LRRC27: variants seen among roughly 807,000 people sequenced by gnomAD.
The protein encoded by LRRC27 is leucine-rich repeat-containing protein 27.
Under a neutral mutation model 55.0 loss-of-function variants are expected in LRRC27, and 57 were observed. The observed-to-expected ratio is 1.04, with a 90% CI of 0.84 to 1.29. LRRC27 has a LOEUF of 1.29. Ranked by LOEUF, LRRC27 falls within the 50% of genes most tolerant of loss-of-function variation. LRRC27 has a pLI of 0.00. For synonymous variants in LRRC27, 278 were observed against 251.9 expected (o/e 1.10, Z -0.98); for missense variants, 721 against 651.5 (o/e 1.11, Z -1.16).
chr10:132,341,398 C>A (rs915688490), intron 3 of LRRC27, among the ~76,000 whole-genome samples: 2 of 152,110 alleles, frequency 1.3e-5, no homozygotes, highest in Middle Eastern at 3.2e-3. Flanking sequence ...AAAAAATAAT[C>A]ATCATAATTA....
At position 132,379,212 on chromosome 10, in the gene LRRC27, T is replaced by G. The variant is rs2069380085; in HGVS notation, c.*3970T>G. ...CTCCTCTCCAGAGTTTCCTCTCACC[T>G]CCGTGTTCTCGGGGAGTGCGTGGTC... On this transcript the variant is annotated 3_prime_UTR_variant, in exon 11 of 11. Transcript: ENST00000368614. The G allele has an allele frequency of 6.6e-6, 1 of 150,542 alleles. No homozygotes were observed. Among genetic ancestry groups the G allele is most frequent in the Non-Finnish European group, 1.4e-5 (1 of 69,012 alleles). 9.3% of individuals were successfully genotyped at this position (150,542 alleles called of 1,614,324 possible).
In LRRC27 at chr10:132,333,558, G is replaced by A; in HGVS notation, c.34G>A (p.Val12Met). The A allele has an allele frequency of 6.2e-7, 1 of 1,610,276 alleles. No homozygotes were observed. The highest frequency in any genetic ancestry group is 8.5e-7 in the Non-Finnish European group (1 of 1,178,808). Residue 12 changes from valine to methionine, a missense_variant, in exon 2 of 11, where the codon GTG (valine) becomes ATG (methionine). Val to Met is a conservative substitution (Grantham distance 21, BLOSUM62 1). Transcript: ENST00000368614. ...EGSSSYEVPS[V>M]AAADLEEGAG... ...AAGCAGCTCCTACGAAGTTCCCTCT[G>A]TGGCTGCTGCTGATCTGGAGGAGGG...
chr10:132,357,019 G>T (rs567152934), intron 8 of LRRC27, among the ~76,000 whole-genome samples: 108 of 152,384 alleles, frequency 7.1e-4, no homozygotes, highest in African/African-American at 2.5e-3. Context: ...TGCAGGCGTG[G>T]ACTGCTTGGA....
chr10:132,331,724 C>T, upstream of LRRC27: 5 of 1,612,544 alleles, frequency 3.1e-6, 1 homozygote, highest in Non-Finnish European at 4.2e-6. Flanking sequence ...GCTCCCCAGA[C>T]GGCACTTAGC....
rs964679161 is a variant in LRRC27, at chr10:132,377,708, C to T, written c.*2466C>T. On this transcript the variant is annotated 3_prime_UTR_variant, in exon 11 of 11. Coordinates refer to ENST00000368614, the MANE Select transcript of LRRC27 (RefSeq NM_030626.3). Reference sequence around the variant, plus strand: ...CTAAATAACTTTTTTTTAAGTATTTCTTTGTATCATGGTTATGCTTTGACT... The same window carrying T: ...CTAAATAACTTTTTTTTAAGTATTTTTTTGTATCATGGTTATGCTTTGACT... 6.6e-6 allele frequency: 1 copy of T among 152,144 alleles called. No homozygotes were observed. Among genetic ancestry groups the T allele is most frequent in the African/African-American group, 2.4e-5 (1 of 41,430 alleles). The allele number at this position is 152,144 out of a possible 1,614,324, so 9.4% of individuals were successfully genotyped here. A position where few individuals can be genotyped will look rare whatever the true frequency, so the allele number is the denominator to read the frequency against.
chr10:132,348,303 C>T lies in LRRC27; in HGVS notation c.873C>T (p.Leu291=). The change falls in exon 6 of 11, where the codon CTC becomes CTT. Residue 291 remains leucine, a synonymous_variant. Transcript: ENST00000368614. This position sits in a 1 kb window ranked among gnomAD's most constrained non-coding sequence, Gnocchi z 4.2. Reference sequence around the variant, plus strand: ...TGACGAGGGAATTACCTCCAAATCTCAAGGCGGCCTTGAACATTGAGAAAG... The same window carrying T: ...TGACGAGGGAATTACCTCCAAATCTTAAGGCGGCCTTGAACATTGAGAAAG... The part of the protein sequence containing the change: ...QLLTRELPPN[L]KAALNIEKEL... The T allele has an allele frequency of 6.2e-7, 1 of 1,614,056 alleles. No homozygotes were observed.
At chr10:132,357,474 G>A (rs2068359756) in intron 8 of LRRC27, among the ~76,000 whole-genome samples, 1 of 152,254 alleles carries the variant, frequency 6.6e-6, no homozygotes, top group African/African-American at 2.4e-5. Context: ...AGCTGCCTCT[G>A]TGGCCGACAG....
chr10:132,369,697 G>A (rs1285350087), intron 10 of LRRC27, among the ~76,000 whole-genome samples: 2 of 152,216 alleles, frequency 1.3e-5, no homozygotes, highest in African/African-American at 4.8e-5. Flanking sequence ...CATGTCGACT[G>A]TGGACTCTGA....
At chr10:132,331,953 AG>A, upstream of LRRC27, 1 of 476,958 alleles carries the variant, frequency 2.1e-6, no homozygotes. Context: ...GCCCCAGCGC[AG>A]GCGCACCACA....
intron 8 of LRRC27, 56 bp downstream of exon 8, chr10:132,355,942 T>C: frequency 5.6e-6 from 7 of 1,244,930 alleles, no homozygotes; most frequent in Non-Finnish European, 8.0e-6. Flanking sequence ...GGTGGGTGGG[T>C]GCTCACAGGC....
rs2069241979 is a variant in LRRC27 at position 132,372,481 on chromosome 10, T to C, written c.1417-2585T>C. 6.6e-6 allele frequency among the ~76,000 whole-genome samples: 1 copy of C among 152,284 alleles called. No homozygotes were observed. The highest frequency in any genetic ancestry group is 1.5e-5 in the Non-Finnish European group (1 of 68,020). The stretch of plus-strand genomic sequence containing the variant: ...TACGCAGGAGACAAAGGCCGGAGAA[T>C]CGCTTGAACCCAGGAGGCAGAGGTT... On this transcript the variant is annotated intron_variant, in intron 10 of 10. Transcript: ENST00000368614. The surrounding 1 kb of genome is among the most constrained non-coding windows in gnomAD (Gnocchi z 4.0).
intron 5 of LRRC27, 24 bp from the exon 6 acceptor site, chr10:132,347,959 CT>C: frequency 6.4e-7 from 1 of 1,567,358 alleles, no homozygotes. Context: ...ATGGTAGCTA[CT>C]AAAGCGGTTT....
chr10:132,347,345 C>T (rs1284398443), intron 5 of LRRC27, among the ~76,000 whole-genome samples: 6 of 141,276 alleles, frequency 4.2e-5, no homozygotes, highest in African/African-American at 1.1e-4. Flanking sequence ...CACGCGTGTC[C>T]GGTGGGGCCC....
chr10:132,351,280 C>T (rs892124256), intron 6 of LRRC27: 39 of 277,190 alleles, frequency 1.4e-4, no homozygotes, highest in Non-Finnish European at 2.3e-4. Context: ...AAGGGTGCGG[C>T]ATTGGTCTCA....
rs1564843450 is a variant in LRRC27, at chr10:132,355,767, ACATTAAC to A, written c.1074-21_1074-15del. The A allele has an allele frequency of 6.6e-7, 1 of 1,519,058 alleles. No individual in the cohort carries two copies. Among genetic ancestry groups the A allele is most frequent in the Non-Finnish European group, 8.9e-7 (1 of 1,117,750 alleles). 94.1% of individuals were successfully genotyped at this position (1,519,058 alleles called of 1,614,324 possible). ...GGCTCGAAGCTGCCTGTAACTTATG[ACATTAAC>A]CTTCCCTTTCTCCAGAGAGAAAAGG... On this transcript the variant is annotated splice_polypyrimidine_tract_variant and intron_variant, in intron 7 of 10. Transcript: ENST00000368614.
At chr10:132,364,453 A>G (rs1192766340) in intron 9 of LRRC27, among the ~76,000 whole-genome samples, 28 of 109,608 alleles carry the variant, frequency 2.6e-4, no homozygotes, top group Middle Eastern at 4.1e-3. Flanking sequence ...CCACACCCAC[A>G]CTCACACCCA....
intron 10 of LRRC27, among the ~76,000 whole-genome samples, chr10:132,369,532 C>A (rs769746046): frequency 6.6e-6 from 1 of 151,988 alleles, no homozygotes; most frequent in Non-Finnish European, 1.5e-5. Context: ...CATGGTGGCC[C>A]GGGTGGGGGT....
intron 10 of LRRC27, among the ~76,000 whole-genome samples, chr10:132,370,878 G>T (rs1052782328): frequency 1.3e-5 from 2 of 152,300 alleles, no homozygotes; most frequent in South Asian, 2.1e-4. Flanking sequence ...CTGGTGAGAC[G>T]ATCATGCCAG....
At chr10:132,353,671 G>T (rs569625569) in intron 7 of LRRC27, among the ~76,000 whole-genome samples, 2 of 152,188 alleles carry the variant, frequency 1.3e-5, no homozygotes, top group Admixed American at 6.5e-5. Flanking sequence ...AAAGCCCATC[G>T]CTGTGGGACC....
Sources: gnomAD v4.1 joint callset for allele counts (sites outside exome capture counted in the v4.1 genomes callset) on GRCh38, gnomAD v4.1.1 for gene constraint, Gnocchi (gnomAD v3.1) non-coding constraint, MANE v1.5 for transcripts, NCBI Gene and HGNC (gene_info 2026-07-23, HGNC 2026-07-21) for gene names.